The following TOX2 variants were observed in gnomAD, a reference collection of about 807,000 sequenced individuals.
TOX2 encodes granulosa cell HMG box 1.
In TOX2, 15 loss-of-function variants were observed where a neutral mutation model predicts 47.4. That is an observed-to-expected ratio of 0.32 (90% CI 0.21 to 0.49). The LOEUF (loss-of-function observed/expected upper bound fraction) is 0.49. Ranked by LOEUF, TOX2 falls within the 20% of genes least tolerant of loss-of-function variation. The pLI is 0.99. For missense variants in TOX2, 622 were observed against 673.1 expected (o/e 0.92, Z 0.84); for synonymous variants, 290 against 296.6 (o/e 0.98, Z 0.23).
intron 1 of TOX2, among the ~76,000 whole-genome samples, chr20:43,956,914 G>A (rs2069678216): frequency 6.6e-6 from 1 of 152,050 alleles, no homozygotes; most frequent in African/African-American, 2.4e-5. Flanking sequence ...CTTTTTGTCT[G>A]TTGGCATCTT....
chr20:44,041,561 TCTGA>T (rs1363094766), intron 3 of TOX2, among the ~76,000 whole-genome samples: 1 of 152,234 alleles, frequency 6.6e-6, no homozygotes, highest in Admixed American at 6.5e-5. Flanking sequence ...GAACTGTCTC[TCTGA>T]CTGTGAGACC....
chr20:44,005,113 G>A (rs925395847), intron 2 of TOX2, among the ~76,000 whole-genome samples: 27 of 152,304 alleles, frequency 1.8e-4, no homozygotes, highest in Admixed American at 1.4e-3. Context: ...AAGAAAAAGT[G>A]TAGAAAACAT....
intron 1 of TOX2, among the ~76,000 whole-genome samples, chr20:43,930,636 G>A (rs1160476740): frequency 6.6e-6 from 1 of 152,178 alleles, no homozygotes; most frequent in Non-Finnish European, 1.5e-5. Flanking sequence ...GGGCACAGTT[G>A]GCCTGGCCTT....
chr20:43,944,687 G>A (rs1302191243), intron 1 of TOX2, among the ~76,000 whole-genome samples: 1 of 152,202 alleles, frequency 6.6e-6, no homozygotes, highest in Non-Finnish European at 1.5e-5. Flanking sequence ...ATTCCCCAGA[G>A]CGCTTCCTGC....
At chr20:43,979,159 T>A (rs1175130758) in intron 2 of TOX2, among the ~76,000 whole-genome samples, 1 of 152,164 alleles carries the variant, frequency 6.6e-6, no homozygotes, top group Non-Finnish European at 1.5e-5. Context: ...GAGATGCTCA[T>A]CCACATGGAG....
At chr20:43,946,130 A>G in intron 1 of TOX2, 2 of 1,546,298 alleles carry the variant, frequency 1.3e-6, no homozygotes, top group East Asian at 2.3e-5. Context: ...GGGGGCAGGC[A>G]GGGACCTGGA....
chr20:43,938,112 C>T (rs2069351894), intron 1 of TOX2, among the ~76,000 whole-genome samples: 1 of 152,188 alleles, frequency 6.6e-6, no homozygotes, highest in African/African-American at 2.4e-5. Flanking sequence ...ATGCGGGCAC[C>T]CCAGTGACTG....
chr20:43,948,900 G>A (rs1203108859), intron 1 of TOX2, among the ~76,000 whole-genome samples: 1 of 152,196 alleles, frequency 6.6e-6, no homozygotes, highest in Non-Finnish European at 1.5e-5. Flanking sequence ...TTAGCCTTTG[G>A]TCTCTTGACT....
chr20:43,959,211 C>T (rs545935821), intron 1 of TOX2, among the ~76,000 whole-genome samples: 29 of 152,178 alleles, frequency 1.9e-4, no homozygotes, highest in Non-Finnish European at 3.2e-4. Context: ...AATCTGAGGA[C>T]GAGAGGGGTA....
chr20:44,056,856 A>G (rs1383646318), intron 5 of TOX2, among the ~76,000 whole-genome samples: 1 of 152,150 alleles, frequency 6.6e-6, no homozygotes, highest in Non-Finnish European at 1.5e-5. Flanking sequence ...AGTGTCTATA[A>G]TTATACACAT....
chr20:43,927,589 T>TTTCCTTCCTTCCTTCC (rs1555829383), intron 1 of TOX2, among the ~76,000 whole-genome samples: 1 of 101,470 alleles, frequency 9.9e-6, no homozygotes, highest in Non-Finnish European at 1.9e-5. Flanking sequence ...GAAGAGTTAA[T>TTTCCTTCCTTCCTTCC]TTCCTTCCTT....
At chr20:43,971,841 T>C (rs909435296) in intron 1 of TOX2, among the ~76,000 whole-genome samples, 11 of 152,330 alleles carry the variant, frequency 7.2e-5, no homozygotes, top group African/African-American at 2.2e-4. Flanking sequence ...CTGTATAGCA[T>C]GCTGTCATGA....
intron 5 of TOX2, among the ~76,000 whole-genome samples, chr20:44,061,944 C>G (rs1255650372): frequency 6.6e-6 from 1 of 151,688 alleles, no homozygotes; most frequent in Non-Finnish European, 1.5e-5. Context: ...GATTAAAACC[C>G]TCAGCAAAAT....
chr20:44,051,480 A>G lies in TOX2; in HGVS notation c.586A>G (p.Ser196Gly). 6.2e-7 allele frequency: 1 copy of G among 1,613,174 alleles called. No individual in the cohort carries two copies. Among genetic ancestry groups the G allele is most frequent in the Middle Eastern group, 1.7e-4 (1 of 6,002 alleles). ...CCACAGCTCCCCATCACCGCCGGGG[A>G]GCAAGTCAGCGACCCCCTCTCCCTC... ...IAHSSPSPPG[S>G]KSATPSPSSS... is the part of the protein sequence containing the mutation. Residue 196 changes from serine (S) to glycine (G), a missense_variant, in exon 4 of 9, where the codon AGC becomes GGC. Ser to Gly is a moderately conservative substitution (Grantham distance 56). Coordinates refer to ENST00000341197, the MANE Select transcript of TOX2 (RefSeq NM_001098797.2).
At chr20:44,062,863 A>G (rs950314048) in intron 5 of TOX2, among the ~76,000 whole-genome samples, 5 of 152,228 alleles carry the variant, frequency 3.3e-5, no homozygotes, top group African/African-American at 1.2e-4. Flanking sequence ...GATCTTTAAC[A>G]AAGCAAACAA....
At chr20:44,035,840 T>A (rs1457217706) in intron 3 of TOX2, among the ~76,000 whole-genome samples, 2 of 152,162 alleles carry the variant, frequency 1.3e-5, no homozygotes, top group Non-Finnish European at 2.9e-5. Context: ...AGGGGAGCAC[T>A]CTCAGGAACG....
chr20:43,987,244 G>A (rs867651953), intron 2 of TOX2, among the ~76,000 whole-genome samples: 10 of 152,130 alleles, frequency 6.6e-5, no homozygotes, highest in Middle Eastern at 3.2e-3. Flanking sequence ...TCACAAACAC[G>A]TTGAGTGAAA....
chr20:44,069,011 G>C lies in TOX2; in HGVS notation c.*325G>C, dbSNP rs6017258. On this transcript the variant is annotated 3_prime_UTR_variant, in exon 9 of 9. Coordinates refer to ENST00000341197, the MANE Select transcript of TOX2 (RefSeq NM_001098797.2). ...CGGCCCCAGCTCCAGCCCCAGCCCA[G>C]GTGGGCCGCCCCTGGCGGGGTCGCT... The C allele has an allele frequency of 0.13, 60,739 of 478,336 alleles. 5,705 individuals are homozygous for C. Among genetic ancestry groups the C allele is most frequent in the African/African-American group, 0.36 (18,832 of 51,656 alleles). 29.6% of individuals were successfully genotyped at this position (478,336 alleles called of 1,614,324 possible).
At chr20:44,014,563 T>A (rs1569096926) in intron 3 of TOX2, among the ~76,000 whole-genome samples, 1 of 152,128 alleles carries the variant, frequency 6.6e-6, no homozygotes, top group Non-Finnish European at 1.5e-5. Flanking sequence ...GCTCCCCTCC[T>A]TGTTACCCCC....
Sources: gnomAD v4.1 joint callset for allele counts (sites outside exome capture counted in the v4.1 genomes callset) on GRCh38, gnomAD v4.1.1 for gene constraint, MANE v1.5 for transcripts, NCBI Gene and HGNC (gene_info 2026-07-23, HGNC 2026-07-21) for gene names.